PRSS48: variants seen among roughly 807,000 people sequenced by gnomAD.
The protein encoded by PRSS48 is serine protease 48.
A neutral mutation model predicts 25.6 loss-of-function variants in PRSS48; 21 were observed. The observed-to-expected ratio is 0.82, with a 90% CI of 0.58 to 1.18. The LOEUF is 1.18. Ranked by LOEUF, PRSS48 falls within the 50% of genes most tolerant of loss-of-function variation. The probability of loss-of-function intolerance (pLI) is 0.00; values close to 1 mark genes in which losing one functional copy is unlikely to be tolerated. For missense variants in PRSS48, 373 were observed against 399.3 expected, an observed-to-expected ratio of 0.93 and a Z score of 0.56; for synonymous variants, 150 against 149.3, an observed-to-expected ratio of 1.00 and a Z score of -0.04.
chr4:151,287,270 G>A (rs538196243), intron 4 of PRSS48, among the ~76,000 whole-genome samples: 9 of 148,958 alleles, frequency 6.0e-5, no homozygotes, highest in African/African-American at 2.0e-4. Context: ...GAACCCGGGA[G>A]GCAGAGGTTT....
intron 1 of PRSS48, 23 bp downstream of exon 1, chr4:151,277,247 GA>G: frequency 6.7e-7 from 1 of 1,482,684 alleles, no homozygotes; most frequent in Non-Finnish European, 9.0e-7. Flanking sequence ...GTGGGGTTGA[GA>G]AGGCAGAGGC....
rs2150003620 is a variant in PRSS48 at position 151,277,578 on chromosome 4, C to CCT, written c.52+356_52+357dup. On this transcript the variant is annotated intron_variant, in intron 1 of 4. Coordinates refer to ENST00000455694, the Ensembl canonical transcript of PRSS48. ...TCTTTAGAAGGGTAGTTAAAGAAGG[C>CCT]CTCACTAAGAAGGAGTCATTTGAGC... is the stretch of plus-strand genomic sequence containing the variant. 2.0e-5 allele frequency among the ~76,000 whole-genome samples: 3 copies of CCT among 152,144 alleles called. No individual in the cohort carries two copies. In the South Asian group the frequency reaches 6.2e-4, roughly 32 times the overall value.
intron 2 of PRSS48, 46 bp from the exon 3 acceptor site, chr4:151,282,102 G>C: frequency 6.2e-7 from 1 of 1,602,988 alleles, no homozygotes; most frequent in African/African-American, 1.3e-5. Context: ...AGCCTGTTCT[G>C]ACCCAGCTGC....
intron 4 of PRSS48, 66 bp from the exon 5 acceptor site, chr4:151,291,052 C>G: frequency 7.9e-7 from 1 of 1,261,390 alleles, no homozygotes; most frequent in South Asian, 1.4e-5. Context: ...ATTCTCCACC[C>G]CTTATTACTA....
chr4:151,282,129 T>G lies in PRSS48; in HGVS notation c.216-19T>G. The G allele has an allele frequency of 6.2e-7, 1 of 1,611,990 alleles. No homozygotes were observed. On this transcript the variant is annotated intron_variant, in intron 2 of 4. Coordinates refer to ENST00000455694, the Ensembl canonical transcript of PRSS48. The stretch of plus-strand genomic sequence containing the variant: ...CCCAGCTGCAGGCCATAAGCAGGCC[T>G]CCTTTCTTTTCCCCATAGGACCTGG...
At chr4:151,289,980 G>A (rs1011743378) in intron 4 of PRSS48, among the ~76,000 whole-genome samples, 2 of 152,090 alleles carry the variant, frequency 1.3e-5, no homozygotes, top group East Asian at 3.9e-4. Flanking sequence ...TTAGAAACAG[G>A]GTCTTGCTCT....
intron 4 of PRSS48, among the ~76,000 whole-genome samples, chr4:151,286,836 C>A (rs1421196484): frequency 2.0e-5 from 3 of 151,562 alleles, no homozygotes; most frequent in African/African-American, 7.3e-5. Context: ...AAAAATTAGC[C>A]AGGCATGGTG....
At chr4:151,288,122 GT>G (rs1443007035) in intron 4 of PRSS48, among the ~76,000 whole-genome samples, 22 of 151,992 alleles carry the variant, frequency 1.4e-4, no homozygotes, top group African/African-American at 5.3e-4. Context: ...GATGAGTGGA[GT>G]TTTTCAACTC....
intron 4 of PRSS48, 108 bp downstream of exon 4, chr4:151,283,394 C>A: frequency 1.2e-6 from 1 of 855,544 alleles, no homozygotes; most frequent in Non-Finnish European, 1.8e-6. Context: ...GATGAGGGTT[C>A]TAAGAATAAC....
chr4:151,277,256 G>A lies in PRSS48; in HGVS notation c.52+32G>A, dbSNP rs560204077. On this transcript the variant is annotated intron_variant, in intron 1 of 4. Coordinates refer to ENST00000455694, the Ensembl canonical transcript of PRSS48. ...GCCAGGGTGGGGTTGAGAAGGCAGA[G>A]GCAGAGGATTTTTACTAAAGAGGGC... is the stretch of plus-strand genomic sequence containing the variant. 225 of 1,463,362 alleles carry A rather than the reference G, an allele frequency of 1.5e-4. 4 individuals are homozygous for A. In the South Asian group the frequency reaches 3.0e-3, roughly 20 times the overall value. 90.6% of individuals were successfully genotyped at this position (1,463,362 alleles called of 1,614,324 possible). A position where few individuals can be genotyped will look rare whatever the true frequency, so the allele number is the denominator to read the frequency against.
chr4:151,286,600 TA>T (rs200710507), intron 4 of PRSS48, among the ~76,000 whole-genome samples: 2,413 of 132,738 alleles, frequency 0.018, 45 homozygotes, highest in African/African-American at 0.052. Context: ...CATTTGTGAT[TA>T]AAAAAAAAAA....
At chr4:151,281,533 A>C (rs1774235711) in intron 2 of PRSS48, among the ~76,000 whole-genome samples, 1 of 152,112 alleles carries the variant, frequency 6.6e-6, no homozygotes, top group Non-Finnish European at 1.5e-5. Flanking sequence ...CAGGATTCTA[A>C]AACTGAAAAA....
chr4:151,281,549 A>G (rs1774236270), intron 2 of PRSS48, among the ~76,000 whole-genome samples: 1 of 152,094 alleles, frequency 6.6e-6, no homozygotes, highest in African/African-American at 2.4e-5. Context: ...AAAAAGAAAA[A>G]TCAAGAAACA....
At chr4:151,288,651 G>C (rs1387075201) in intron 4 of PRSS48, among the ~76,000 whole-genome samples, 1 of 151,462 alleles carries the variant, frequency 6.6e-6, no homozygotes, top group Non-Finnish European at 1.5e-5. Flanking sequence ...CCTGGGCGGG[G>C]CAACGAAGCG....
intron 4 of PRSS48, among the ~76,000 whole-genome samples, chr4:151,289,518 C>T (rs1432693807): frequency 6.6e-6 from 1 of 152,012 alleles, no homozygotes; most frequent in Non-Finnish European, 1.5e-5. Flanking sequence ...ACTTGTAACT[C>T]GATCATAAAA....
At chr4:151,286,980 AAAAAT>A (rs899271714) in intron 4 of PRSS48, among the ~76,000 whole-genome samples, 2 of 111,382 alleles carry the variant, frequency 1.8e-5, no homozygotes, top group Admixed American at 9.2e-5. Flanking sequence ...ATTCTGTCTC[AAAAAT>A]AATAATAATA....
intron 1 of PRSS48, among the ~76,000 whole-genome samples, chr4:151,278,402 G>C (rs1367814697): frequency 7.6e-6 from 1 of 132,184 alleles, no homozygotes; most frequent in Non-Finnish European, 1.8e-5. Flanking sequence ...CTAGTAGCTG[G>C]GACTACAGGT....
intron 4 of PRSS48, among the ~76,000 whole-genome samples, chr4:151,286,184 G>GAAAAAAAAAAAAAAAAAAAAAA (rs56850648): frequency 5.8e-5 from 5 of 86,628 alleles, no homozygotes; most frequent in Non-Finnish European, 8.2e-5. Context: ...CTGTCTTAAA[G>GAAAAAAAAAAAAAAAAAAAAAA]AAAAAAAAAA....
At chr4:151,277,421 A>C (rs1773746652) in intron 1 of PRSS48, among the ~76,000 whole-genome samples, 197 bp downstream of exon 1, 1 of 152,148 alleles carries the variant, frequency 6.6e-6, no homozygotes, top group Non-Finnish European at 1.5e-5. Flanking sequence ...ACACACACCC[A>C]CAAGATCCCT....
Sources: gnomAD v4.1 joint callset for allele counts (sites outside exome capture counted in the v4.1 genomes callset) on GRCh38, gnomAD v4.1.1 for gene constraint, MANE v1.5 for transcripts, NCBI Gene and HGNC (gene_info 2026-07-23, HGNC 2026-07-21) for gene names.